MLLT3: variants seen among roughly 807,000 people sequenced by gnomAD.
MLLT3 encodes the protein MLLT3 super elongation complex subunit, also known as protein AF-9.
Under a neutral mutation model 53.2 loss-of-function variants are expected in MLLT3, and 4 were observed. That is an observed-to-expected ratio of 0.08 (90% confidence interval 0.04 to 0.17). The LOEUF (loss-of-function observed/expected upper bound fraction) is 0.17, where lower values mean the gene tolerates loss of function less well. Ranked by LOEUF, MLLT3 falls within the 10% of genes least tolerant of loss-of-function variation. The pLI is 1.00. For synonymous variants in MLLT3, 283 were observed against 230.6 expected (o/e 1.23, Z -2.06); for missense variants, 569 against 684.0 (o/e 0.83, Z 1.87).
At chr9:20,547,703 C>A (rs966998850) in intron 2 of MLLT3, among the ~76,000 whole-genome samples, 1 of 150,746 alleles carries the variant, frequency 6.6e-6, no homozygotes, top group Non-Finnish European at 1.5e-5. Context: ...GTAATTCCAG[C>A]ACTTTCGGAG....
chr9:20,408,854 C>T (rs759102470), intron 5 of MLLT3, among the ~76,000 whole-genome samples: 16 of 152,102 alleles, frequency 1.1e-4, no homozygotes, highest in South Asian at 1.0e-3. Flanking sequence ...AAATGAGAAA[C>T]AACAAAAGAA....
At chr9:20,484,932 G>C (rs1824768476) in intron 2 of MLLT3, among the ~76,000 whole-genome samples, 1 of 151,876 alleles carries the variant, frequency 6.6e-6, no homozygotes, top group Admixed American at 6.6e-5. Flanking sequence ...TTGAAAATAT[G>C]AATCAAATTT....
At chr9:20,575,857 C>T (rs931045419) in intron 2 of MLLT3, among the ~76,000 whole-genome samples, 2 of 152,166 alleles carry the variant, frequency 1.3e-5, no homozygotes, top group Non-Finnish European at 2.9e-5. Flanking sequence ...CTGGCTTCAA[C>T]TAAAAGTCAG....
rs1203032867 is a variant in MLLT3, at chr9:20,414,294, GCT to G, written c.550_551del (p.Ser184GlnfsTer6). 1 of 1,610,834 alleles carries G rather than the reference GCT, an allele frequency of 6.2e-7. No homozygotes were observed. The highest frequency in any genetic ancestry group is 8.5e-7 in the Non-Finnish European group (1 of 1,178,798). ...SSSSSSSSSS[S>X]SSSSSSTSFS... ...AACTGGTACTACTGCTGCTGCTGCT[GCT>G]GCTACTGCTGCTGCTACTGCTGCTG... On this transcript the variant is annotated frameshift_variant, in exon 5 of 11. Transcript: ENST00000380338. LOFTEE classifies it high-confidence loss of function.
chr9:20,478,348 T>G (rs1416324926), intron 2 of MLLT3, among the ~76,000 whole-genome samples: 1 of 152,152 alleles, frequency 6.6e-6, no homozygotes, highest in Non-Finnish European at 1.5e-5. Context: ...TGAAAAGAGT[T>G]GTTCTGTCTT....
intron 2 of MLLT3, among the ~76,000 whole-genome samples, chr9:20,615,384 A>C (rs1429854163): frequency 4.6e-4 from 65 of 142,560 alleles, no homozygotes; most frequent in African/African-American, 1.0e-3. Context: ...AAAAAAAAAA[A>C]AAAAAAAAAA....
chr9:20,566,517 T>C (rs1255416148), intron 2 of MLLT3, among the ~76,000 whole-genome samples: 5 of 152,156 alleles, frequency 3.3e-5, no homozygotes, highest in Admixed American at 2.0e-4. Context: ...CAGCCTGATT[T>C]ATATACTTAA....
chr9:20,513,563 T>C (rs890958673), intron 2 of MLLT3, among the ~76,000 whole-genome samples: 2 of 152,068 alleles, frequency 1.3e-5, no homozygotes, highest in African/African-American at 4.8e-5. Context: ...AAGTTCTAGT[T>C]GGTGGGTTTA....
At chr9:20,471,938 A>G (rs936679431) in intron 2 of MLLT3, among the ~76,000 whole-genome samples, 9 of 152,182 alleles carry the variant, frequency 5.9e-5, no homozygotes, top group African/African-American at 2.2e-4. Flanking sequence ...AGCAAGGAAA[A>G]TGAAGATCCT....
rs1194258426 is a variant in MLLT3, at chr9:20,533,166, T to C, written c.194-76380A>G. The stretch of plus-strand genomic sequence containing the variant: ...GGAAGACCTGCACCACCGTCACCTT[T>C]ACACAGGTTAACTTGGAAGGCAAAG... On this transcript the variant is annotated intron_variant, in intron 2 of 10. Coordinates refer to ENST00000380338, the MANE Select transcript of MLLT3 (RefSeq NM_004529.4). 2.1e-5 allele frequency: 6 copies of C among 288,252 alleles called. No individual in the cohort carries two copies. In the East Asian group the frequency reaches 4.5e-4, roughly 21 times the overall value. 17.9% of individuals were successfully genotyped at this position (288,252 alleles called of 1,614,324 possible). A position where few individuals can be genotyped will look rare whatever the true frequency, so the allele number is the denominator to read the frequency against.
chr9:20,396,509 AAG>A (rs948564755), intron 5 of MLLT3, among the ~76,000 whole-genome samples: 1 of 152,082 alleles, frequency 6.6e-6, no homozygotes, highest in Non-Finnish European at 1.5e-5. Flanking sequence ...CCCAGGTCTC[AAG>A]AGTCTTTCTG....
chr9:20,524,610 T>G (rs968384127), intron 2 of MLLT3, among the ~76,000 whole-genome samples: 1 of 152,134 alleles, frequency 6.6e-6, no homozygotes, highest in Non-Finnish European at 1.5e-5. Context: ...CTCCCAGAAA[T>G]AACATTTTTA....
intron 4 of MLLT3, among the ~76,000 whole-genome samples, chr9:20,429,476 CCTAAT>C (rs1240851328): frequency 2.0e-5 from 3 of 151,958 alleles, no homozygotes; most frequent in African/African-American, 7.3e-5. Flanking sequence ...AAGCATATGG[CCTAAT>C]CTAACTCAAG....
At chr9:20,452,430 A>G (rs1232760309) in intron 3 of MLLT3, among the ~76,000 whole-genome samples, 6 of 152,100 alleles carry the variant, frequency 3.9e-5, no homozygotes, top group African/African-American at 1.4e-4. Flanking sequence ...TTCTGCTATG[A>G]CTGTAAGTTT....
intron 2 of MLLT3, among the ~76,000 whole-genome samples, chr9:20,516,699 T>A (rs1199461393): frequency 1.3e-5 from 2 of 152,212 alleles, no homozygotes; most frequent in Non-Finnish European, 2.9e-5. Flanking sequence ...TCCTAACAAG[T>A]AGTTACAACA....
chr9:20,549,120 G>T (rs538158887), intron 2 of MLLT3, among the ~76,000 whole-genome samples: 1 of 152,200 alleles, frequency 6.6e-6, no homozygotes, highest in African/African-American at 2.4e-5. Flanking sequence ...CTGCCTCAAA[G>T]ATATTAACAA....
At chr9:20,474,078 GAT>G (rs1227592074) in intron 2 of MLLT3, among the ~76,000 whole-genome samples, 2 of 152,090 alleles carry the variant, frequency 1.3e-5, no homozygotes, top group Non-Finnish European at 2.9e-5. Flanking sequence ...AGCTGCTTTT[GAT>G]TTCCAAGTGT....
At chr9:20,379,717 C>A (rs1301645959) in intron 5 of MLLT3, among the ~76,000 whole-genome samples, 1 of 152,028 alleles carries the variant, frequency 6.6e-6, no homozygotes, top group Non-Finnish European at 1.5e-5. Context: ...AAAATATACA[C>A]ACACACATAC....
intron 5 of MLLT3, among the ~76,000 whole-genome samples, chr9:20,392,573 A>G (rs570060660): frequency 1.3e-5 from 2 of 152,320 alleles, no homozygotes; most frequent in South Asian, 4.1e-4. Context: ...TATCTTTGTT[A>G]AATTTCACTT....
Sources: gnomAD v4.1 joint callset for allele counts (sites outside exome capture counted in the v4.1 genomes callset) on GRCh38, gnomAD v4.1.1 for gene constraint, MANE v1.5 for transcripts, NCBI Gene and HGNC (gene_info 2026-07-23, HGNC 2026-07-21) for gene names.